The following POU6F2 variants were observed in gnomAD, a reference collection of about 807,000 sequenced individuals.
POU6F2 encodes POU class 6 homeobox 2.
In POU6F2, 31 loss-of-function variants were observed where a neutral mutation model predicts 71.3. The observed-to-expected ratio is 0.43, with a 90% confidence interval of 0.33 to 0.59. POU6F2 has a LOEUF of 0.59. Among genes scored for constraint, POU6F2 ranks in the 20% least tolerant of loss-of-function variants. POU6F2 has a pLI of 0.04. For missense variants in POU6F2, 783 were observed against 856.8 expected, an observed-to-expected ratio of 0.91 and a Z score of 1.07; for synonymous variants, 347 against 355.7, an observed-to-expected ratio of 0.98 and a Z score of 0.27.
chr7:39,454,701 T>G (rs1345613206), intron 8 of POU6F2, among the ~76,000 whole-genome samples: 1,842 of 51,458 alleles, frequency 0.036, 360 homozygotes, highest in East Asian at 0.16. Context: ...TATATATATA[T>G]ATATATATAT....
chr7:38,987,083 A>G (rs1788481398), intron 1 of POU6F2, among the ~76,000 whole-genome samples: 1 of 152,146 alleles, frequency 6.6e-6, no homozygotes, highest in Middle Eastern at 3.2e-3. Flanking sequence ...AAGATTTCAG[A>G]ATTTTCCAAA....
intron 4 of POU6F2, among the ~76,000 whole-genome samples, chr7:39,212,474 C>T (rs1167548256): frequency 6.6e-6 from 1 of 152,154 alleles, no homozygotes; most frequent in Non-Finnish European, 1.5e-5. Context: ...TGACCTCCTC[C>T]TCAAAGCCCT....
intron 2 of POU6F2, among the ~76,000 whole-genome samples, chr7:39,185,941 TG>T (rs1474415006): frequency 6.6e-6 from 1 of 151,596 alleles, no homozygotes; most frequent in Non-Finnish European, 1.5e-5. Context: ...GATGGAGTTT[TG>T]CTCTGTTGCC....
chr7:39,416,814 T>TAAAAAAAAAAAAA (rs531942673), intron 6 of POU6F2, among the ~76,000 whole-genome samples: 1 of 142,440 alleles, frequency 7.0e-6, no homozygotes, highest in African/African-American at 2.6e-5. Context: ...GTTAAAAATG[T>TAAAAAAAAAAAAA]AAAAAAAAAA....
At chr7:39,316,288 A>G (rs1785266482) in intron 4 of POU6F2, among the ~76,000 whole-genome samples, 1 of 152,106 alleles carries the variant, frequency 6.6e-6, no homozygotes, top group African/African-American at 2.4e-5. Context: ...GAGCCTCTGA[A>G]CACTGGCAGG....
chr7:39,258,448 T>C (rs1047831095), intron 4 of POU6F2, among the ~76,000 whole-genome samples: 1 of 152,224 alleles, frequency 6.6e-6, no homozygotes, highest in Admixed American at 6.5e-5. Context: ...CATTGGTAGC[T>C]GGTATAAGCC....
At chr7:39,284,309 A>G (rs1784614931) in intron 4 of POU6F2, among the ~76,000 whole-genome samples, 1 of 152,228 alleles carries the variant, frequency 6.6e-6, no homozygotes, top group African/African-American at 2.4e-5. Flanking sequence ...CAAGGAAGTC[A>G]TATAATAAAC....
chr7:39,279,071 C>T (rs943502868), intron 4 of POU6F2, among the ~76,000 whole-genome samples: 8 of 152,186 alleles, frequency 5.3e-5, no homozygotes, highest in Non-Finnish European at 1.2e-4. Flanking sequence ...CCAGTCTCTC[C>T]GGACTGCCTG....
chr7:39,109,574 GTT>G (rs1791762323), intron 2 of POU6F2, among the ~76,000 whole-genome samples: 1 of 152,126 alleles, frequency 6.6e-6, no homozygotes, highest in Admixed American at 6.5e-5. Context: ...ATTCTCTTAA[GTT>G]AGTCCTGGTG....
At chr7:39,147,845 G>T (rs567597334) in intron 2 of POU6F2, among the ~76,000 whole-genome samples, 50 of 152,262 alleles carry the variant, frequency 3.3e-4, no homozygotes, top group African/African-American at 1.2e-3. Context: ...CCTCCCTGCT[G>T]CAGGAGCCCC....
At chr7:39,140,156 G>A (rs376786910) in intron 2 of POU6F2, among the ~76,000 whole-genome samples, 5 of 152,142 alleles carry the variant, frequency 3.3e-5, no homozygotes, top group African/African-American at 9.7e-5. Flanking sequence ...TCCTGCAAAT[G>A]TATCAGAGCT....
intron 1 of POU6F2, among the ~76,000 whole-genome samples, chr7:39,026,393 A>G (rs1177027347): frequency 6.6e-6 from 1 of 152,164 alleles, no homozygotes; most frequent in Non-Finnish European, 1.5e-5. Context: ...AATGTGGCAC[A>G]TATACACCAT....
chr7:39,104,040 G>C (rs1449459502), intron 2 of POU6F2, among the ~76,000 whole-genome samples: 2 of 152,162 alleles, frequency 1.3e-5, no homozygotes, highest in African/African-American at 4.8e-5. Flanking sequence ...AGCAAAACTG[G>C]GAAAGCTAGA....
At chr7:39,311,298 A>C (rs1224249649) in intron 4 of POU6F2, among the ~76,000 whole-genome samples, 2 of 132,172 alleles carry the variant, frequency 1.5e-5, no homozygotes, top group African/African-American at 2.8e-5. Flanking sequence ...AAAAAAAAAC[A>C]AACACCAAGT....
intron 1 of POU6F2, among the ~76,000 whole-genome samples, chr7:39,026,544 G>C (rs1789806749): frequency 6.6e-6 from 1 of 152,132 alleles, no homozygotes; most frequent in Admixed American, 6.5e-5. Flanking sequence ...GATGGGAATT[G>C]AACAATGAGA....
At chr7:39,003,153 G>A (rs1165985027) in intron 1 of POU6F2, among the ~76,000 whole-genome samples, 1 of 152,096 alleles carries the variant, frequency 6.6e-6, no homozygotes. Flanking sequence ...AAGATGAGAT[G>A]CATATCTAAA....
intron 1 of POU6F2, among the ~76,000 whole-genome samples, chr7:39,059,570 C>A (rs1279472994): frequency 6.6e-6 from 1 of 151,038 alleles, no homozygotes; most frequent in Non-Finnish European, 1.5e-5. Context: ...CCCTCATACA[C>A]TGCTAGTAGG....
intron 2 of POU6F2, among the ~76,000 whole-genome samples, chr7:39,194,654 G>C (rs894124757): frequency 4.7e-5 from 7 of 147,692 alleles, no homozygotes; most frequent in African/African-American, 1.7e-4. Context: ...GGCCACCTGA[G>C]CTAGCAGTGG....
chr7:39,236,542 G>A (rs1235849105), intron 4 of POU6F2, among the ~76,000 whole-genome samples: 13 of 152,050 alleles, frequency 8.5e-5, no homozygotes, highest in African/African-American at 2.4e-4. Flanking sequence ...CACCTTGTCC[G>A]CATCTTGAGC....
Sources: allele counts gnomAD v4.1 joint callset (sites outside exome capture counted in the v4.1 genomes callset), GRCh38; gene constraint gnomAD v4.1.1; transcripts MANE v1.5; gene names NCBI Gene and HGNC (gene_info 2026-07-23, HGNC 2026-07-21).